The following TOX variants were observed in gnomAD, a reference collection of about 807,000 sequenced individuals.
TOX encodes the protein thymocyte selection-associated high mobility group box protein TOX.
TOX carries 11 observed loss-of-function variants against 53.7 expected under a neutral mutation model. That is an observed-to-expected ratio of 0.20 (90% CI 0.13 to 0.34). The LOEUF (loss-of-function observed/expected upper bound fraction) is 0.34. TOX is among the 10% of genes least tolerant of loss of function. The pLI is 1.00. For missense variants in TOX, 570 were observed against 664.6 expected, an observed-to-expected ratio of 0.86 and a Z score of 1.56; for synonymous variants, 225 against 245.3, an observed-to-expected ratio of 0.92 and a Z score of 0.77.
Position 59,118,961 on chromosome 8 carries a change from T to C in TOX, c.27A>G (p.Pro9=). 1 of 1,604,376 alleles carries C rather than the reference T, an allele frequency of 6.2e-7. No homozygotes were observed. Among genetic ancestry groups the C allele is most frequent in the Non-Finnish European group, 8.5e-7 (1 of 1,175,006 alleles). ...CGTCGGGCGCAGCGGCGGGCTGGGCTGGAGGTGGATAAAATCTTACGTCCA... is the reference window on the plus strand; with the variant it reads ...CGTCGGGCGCAGCGGCGGGCTGGGCCGGAGGTGGATAAAATCTTACGTCCA... MDVRFYPP[P]AQPAAAPDAP... Residue 9 remains proline (P), a synonymous_variant, in exon 1 of 9, where the codon CCA becomes CCG. Transcript: ENST00000361421. The surrounding 1 kb of genome is among the most constrained non-coding windows in gnomAD (Gnocchi z 4.1).
In TOX at chr8:59,105,912, T is replaced by C. The variant is rs1384721332; in HGVS notation, c.102+12974A>G. Among the ~76,000 whole-genome samples, 10 of 152,188 alleles carry C rather than the reference T, an allele frequency of 6.6e-5. 1 individual carries two copies. In the South Asian group the frequency reaches 2.1e-3, roughly 31 times the overall value. On this transcript the variant is annotated intron_variant, in intron 1 of 8. Coordinates refer to ENST00000361421, the MANE Select transcript of TOX (RefSeq NM_014729.3). ...TAGTCTGGGGTATTGTAGCCAAAGT[T>C]ACCTTACAAAGTAAGTTTCACTCCA... is the stretch of plus-strand genomic sequence containing the variant.
intron 1 of TOX, among the ~76,000 whole-genome samples, chr8:58,994,257 T>C (rs1813512345): frequency 1.3e-5 from 2 of 152,114 alleles, no homozygotes; most frequent in African/African-American, 2.4e-5. Flanking sequence ...CTGAGTGTTG[T>C]GAAGAGGAAA....
chr8:59,052,092 A>G (rs541375049), intron 1 of TOX, among the ~76,000 whole-genome samples: 164 of 152,308 alleles, frequency 1.1e-3, no homozygotes, highest in African/African-American at 3.8e-3. Flanking sequence ...TCTGTTTTGG[A>G]TGAGATCCGA....
intron 3 of TOX, among the ~76,000 whole-genome samples, chr8:58,879,053 T>C (rs1198605066): frequency 7.5e-6 from 1 of 133,028 alleles, no homozygotes; most frequent in Non-Finnish European, 1.5e-5. Context: ...AAAGCAAGAC[T>C]TCATCTCAAA....
intron 1 of TOX, among the ~76,000 whole-genome samples, chr8:58,989,051 A>G (rs1337137763): frequency 6.6e-6 from 1 of 152,228 alleles, no homozygotes; most frequent in Non-Finnish European, 1.5e-5. Context: ...GCGGTGGCTC[A>G]TGCCTGTAAT....
At chr8:58,863,388 T>C (rs1811042707) in intron 3 of TOX, among the ~76,000 whole-genome samples, 1 of 152,152 alleles carries the variant, frequency 6.6e-6, no homozygotes, top group East Asian at 1.9e-4. Context: ...CTAAGCACGG[T>C]ACTAAGAAGT....
intron 1 of TOX, among the ~76,000 whole-genome samples, chr8:59,019,705 G>A (rs1171023364): frequency 6.6e-6 from 1 of 152,172 alleles, no homozygotes; most frequent in Non-Finnish European, 1.5e-5. Context: ...AATATTTTCT[G>A]TGTGTGTAGC....
intron 1 of TOX, among the ~76,000 whole-genome samples, chr8:59,012,921 TAAAA>T (rs373043305): frequency 4.1e-5 from 5 of 123,338 alleles, no homozygotes; most frequent in Admixed American, 8.1e-5. Context: ...TCCCATAGGT[TAAAA>T]AAAAAAAAAA....
intron 1 of TOX, among the ~76,000 whole-genome samples, chr8:59,088,867 A>C (rs1804558819): frequency 6.6e-6 from 1 of 152,308 alleles, no homozygotes; most frequent in Non-Finnish European, 1.5e-5. Flanking sequence ...CTTAGCAGGT[A>C]CCTATTAGCC....
At chr8:58,990,360 T>C (rs530418157) in intron 1 of TOX, among the ~76,000 whole-genome samples, 5 of 152,218 alleles carry the variant, frequency 3.3e-5, no homozygotes, top group South Asian at 4.2e-4. Flanking sequence ...TGAAATACTC[T>C]AATATCCTTC....
intron 1 of TOX, among the ~76,000 whole-genome samples, chr8:59,076,401 A>T (rs1804293336): frequency 6.6e-6 from 1 of 152,214 alleles, no homozygotes; most frequent in African/African-American, 2.4e-5. Flanking sequence ...ATGCTTCTCA[A>T]GTCTGGCTTT....
chr8:59,041,762 G>A (rs996332218), intron 1 of TOX, among the ~76,000 whole-genome samples: 16 of 152,100 alleles, frequency 1.1e-4, no homozygotes, highest in East Asian at 3.9e-4. Context: ...GGATCTGCCC[G>A]TTATTACAAG....
At chr8:58,963,040 A>C (rs1480142441) in intron 1 of TOX, among the ~76,000 whole-genome samples, 1 of 152,214 alleles carries the variant, frequency 6.6e-6, no homozygotes, top group Non-Finnish European at 1.5e-5. Flanking sequence ...TGACTAGAAC[A>C]GTAAGGACTG....
At chr8:58,912,576 C>A (rs2129174053) in intron 3 of TOX, among the ~76,000 whole-genome samples, 1 of 152,306 alleles carries the variant, frequency 6.6e-6, no homozygotes, top group East Asian at 1.9e-4. Flanking sequence ...TCCCAACAAC[C>A]AGAATTTCTG....
chr8:58,967,546 A>C (rs1366313394), intron 1 of TOX, among the ~76,000 whole-genome samples: 1 of 152,098 alleles, frequency 6.6e-6, no homozygotes, highest in Non-Finnish European at 1.5e-5. Context: ...GGTGTCCCCA[A>C]GCACAGCAGC....
chr8:59,098,091 G>A (rs1278622663), intron 1 of TOX, among the ~76,000 whole-genome samples: 1 of 152,078 alleles, frequency 6.6e-6, no homozygotes, highest in African/African-American at 2.4e-5. Flanking sequence ...GTGACAATGA[G>A]CTGAAGTCAA....
At chr8:59,008,113 T>C (rs1813826038) in intron 1 of TOX, among the ~76,000 whole-genome samples, 1 of 152,252 alleles carries the variant, frequency 6.6e-6, no homozygotes, top group Non-Finnish European at 1.5e-5. Context: ...ATCAGTTTCT[T>C]TCATCAAATG....
chr8:58,930,689 A>C (rs145002228), intron 3 of TOX, among the ~76,000 whole-genome samples: 76 of 152,274 alleles, frequency 5.0e-4, no homozygotes, highest in African/African-American at 1.6e-3. Flanking sequence ...ACCCCTACAC[A>C]TGCCTGGACA....
chr8:58,893,456 G>C (rs952247146), intron 3 of TOX, among the ~76,000 whole-genome samples: 3 of 152,100 alleles, frequency 2.0e-5, no homozygotes, highest in Admixed American at 2.0e-4. Context: ...TAGTGATAGT[G>C]TTTTCAAAGT....
Sources: gnomAD v4.1 joint callset for allele counts (sites outside exome capture counted in the v4.1 genomes callset) on GRCh38, gnomAD v4.1.1 for gene constraint, Gnocchi (gnomAD v3.1) non-coding constraint, MANE v1.5 for transcripts, NCBI Gene and HGNC (gene_info 2026-07-23, HGNC 2026-07-21) for gene names.